PCDH15: variants seen among roughly 807,000 people sequenced by gnomAD.
PCDH15 encodes the protein protocadherin related 15.
A neutral mutation model predicts 178.5 loss-of-function variants in PCDH15; 129 were observed. The ratio of observed to expected loss-of-function variants is 0.72; its 90% CI spans 0.63 to 0.84. The LOEUF is 0.84. PCDH15 is among the 40% of genes least tolerant of loss of function. The probability of loss-of-function intolerance (pLI) is 0.00; values close to 1 mark genes in which losing one functional copy is unlikely to be tolerated. For synonymous variants in PCDH15, 800 were observed against 732.0 expected (o/e 1.09, Z -1.50); for missense variants, 2,230 against 2,099.9 (o/e 1.06, Z -1.21).
chr10:54,779,401 T>C (rs1474476651), intron 1 of PCDH15, among the ~76,000 whole-genome samples: 2 of 76,664 alleles, frequency 2.6e-5, no homozygotes, highest in African/African-American at 8.1e-5. Flanking sequence ...TCTCTATATA[T>C]ATATGTATAT....
intron 1 of PCDH15, among the ~76,000 whole-genome samples, chr10:54,772,170 G>T (rs1386022879): frequency 6.6e-6 from 1 of 152,000 alleles, no homozygotes; most frequent in East Asian, 1.9e-4. Flanking sequence ...TATTTTTATA[G>T]CTATATAATA....
intron 1 of PCDH15, among the ~76,000 whole-genome samples, chr10:55,303,060 T>TTATATCTTATATATATCTTATA (rs1564986784): frequency 5.3e-5 from 8 of 150,250 alleles, no homozygotes; most frequent in Admixed American, 4.7e-4. Flanking sequence ...AATAAGGTTA[T>TTATATCTTATATATATCTTATA]AAGATAAGAA....
At chr10:55,173,330 TG>T in intron 1 of PCDH15, among the ~76,000 whole-genome samples, 1 of 150,588 alleles carries the variant, frequency 6.6e-6, no homozygotes, top group African/African-American at 2.5e-5. Flanking sequence ...TGTGTGTGTG[TG>T]TGTGTGTGTG....
chr10:54,728,333 A>G (rs1942865278), intron 1 of PCDH15, among the ~76,000 whole-genome samples: 1 of 151,562 alleles, frequency 6.6e-6, no homozygotes, highest in African/African-American at 2.4e-5. Context: ...ACTATAAACC[A>G]AACCACGTGA....
chr10:55,459,241 A>AAAAAAAAAAAAAG (rs10647110), intron 2 of PCDH15, among the ~76,000 whole-genome samples: 10 of 134,238 alleles, frequency 7.4e-5, no homozygotes, highest in African/African-American at 1.4e-4. Context: ...GCAAAAAAAA[A>AAAAAAAAAAAAAG]AAAGAAGGAA....
chr10:55,523,940 T>C (rs994302435), intron 2 of PCDH15, among the ~76,000 whole-genome samples: 1 of 151,620 alleles, frequency 6.6e-6, no homozygotes, highest in Non-Finnish European at 1.5e-5. Flanking sequence ...CTTTTCACTA[T>C]ACCCTGAACC....
intron 2 of PCDH15, among the ~76,000 whole-genome samples, chr10:54,971,912 T>TA (rs1838942837): frequency 1.3e-5 from 2 of 152,226 alleles, no homozygotes. Flanking sequence ...ACACTTTCTA[T>TA]ATCTACATTT....
At chr10:55,283,304 A>G (rs113690939) in intron 1 of PCDH15, among the ~76,000 whole-genome samples, 3 of 152,034 alleles carry the variant, frequency 2.0e-5, no homozygotes, top group Non-Finnish European at 1.5e-5. Context: ...CTATGATTTC[A>G]TCTTGGACCC....
At chr10:55,078,783 ACCC>A (rs952440786) in intron 2 of PCDH15, among the ~76,000 whole-genome samples, 5 of 150,140 alleles carry the variant, frequency 3.3e-5, no homozygotes, top group Non-Finnish European at 5.9e-5. Context: ...CCCTTCCCAA[ACCC>A]CCCGTGGATC....
intron 2 of PCDH15, among the ~76,000 whole-genome samples, chr10:55,101,393 TA>T (rs58895122): frequency 0.099 from 12,853 of 129,490 alleles, 1,735 homozygotes; most frequent in African/African-American, 0.33. Context: ...CATCTCAAAA[TA>T]AAAAAAAAAA....
chr10:55,116,482 G>A (rs1029285326), intron 2 of PCDH15, among the ~76,000 whole-genome samples: 4 of 151,978 alleles, frequency 2.6e-5, no homozygotes, highest in African/African-American at 9.7e-5. Context: ...GGTATGCCAC[G>A]AAGATTCATT....
In PCDH15 at chr10:54,749,834, G is replaced by A. The variant is rs559222645; in HGVS notation, c.-29+51091C>T. On this transcript the variant is annotated intron_variant, in intron 1 of 37. Coordinates refer to ENST00000644397, the MANE Select transcript of PCDH15 (RefSeq NM_001384140.1). ...TTTGCTTTTGTTTTCTTGAGCAATT[G>A]TTGACTACTCAGCCTGCTCTGTAAA... Among the ~76,000 whole-genome samples the A allele has an allele frequency of 2.0e-5, 3 of 152,164 alleles. No individual in the cohort carries two copies. The South Asian group carries it at 6.2e-4, about 32-fold the overall frequency.
chr10:55,070,794 T>G (rs1841718693), intron 2 of PCDH15, among the ~76,000 whole-genome samples: 1 of 150,342 alleles, frequency 6.7e-6, no homozygotes, highest in East Asian at 1.9e-4. Flanking sequence ...TTTAAAGTAG[T>G]TTTTTCCAAT....
chr10:53,941,157 A>G lies in PCDH15; in HGVS notation c.3123-182T>C, dbSNP rs76050914. Reference sequence around the variant, plus strand: ...CTGCTACCTTTGTGATAAATGATGAACCTACATTGACCCATTATCACTGAA... The same window carrying G: ...CTGCTACCTTTGTGATAAATGATGAGCCTACATTGACCCATTATCACTGAA... On this transcript the variant is annotated intron_variant, in intron 23 of 37. Coordinates refer to ENST00000644397, the MANE Select transcript of PCDH15 (RefSeq NM_001384140.1). Among the ~76,000 whole-genome samples, 2,083 of 152,240 alleles carry G rather than the reference A, an allele frequency of 0.014. 56 individuals carry two copies. Among genetic ancestry groups the G allele is most frequent in the African/African-American group, 0.049 (2,019 of 41,540 alleles).
In PCDH15 at chr10:54,905,791, A is replaced by C. The variant is rs1954709162; in HGVS notation, c.-79-8291T>G. Among the ~76,000 whole-genome samples, 5 of 152,238 alleles carry C rather than the reference A, an allele frequency of 3.3e-5. No individual in the cohort carries two copies. In the South Asian group the frequency reaches 1.0e-3, roughly 32 times the overall value. Reference sequence around the variant, plus strand: ...GAGTCATGCAGAACTCTTCTGTCAAAACAGAACAGTTGCAGATGTGTCATG... The same window carrying C: ...GAGTCATGCAGAACTCTTCTGTCAACACAGAACAGTTGCAGATGTGTCATG... On this transcript the variant is annotated intron_variant, in intron 2 of 5. Coordinates refer to the PCDH15 transcript ENST00000458638.
chr10:54,458,539 C>A (rs908888295), intron 3 of PCDH15, among the ~76,000 whole-genome samples: 6 of 151,980 alleles, frequency 3.9e-5, no homozygotes, highest in Non-Finnish European at 7.4e-5. Context: ...TCAGATTACT[C>A]AAGTGTCATC....
chr10:54,229,848 G>A (rs541693612), intron 9 of PCDH15, among the ~76,000 whole-genome samples: 35 of 152,202 alleles, frequency 2.3e-4, no homozygotes, highest in Non-Finnish European at 4.3e-4. Flanking sequence ...CTTGCCTAAA[G>A]TTATTTATGT....
At chr10:53,900,202 C>G (rs548750154) in intron 26 of PCDH15, among the ~76,000 whole-genome samples, 1 of 139,656 alleles carries the variant, frequency 7.2e-6, no homozygotes, top group Admixed American at 7.9e-5. Flanking sequence ...CTCTCTCTCT[C>G]TAAACTTTCT....
intron 15 of PCDH15, among the ~76,000 whole-genome samples, chr10:54,121,874 C>G (rs1369662188): frequency 1.3e-5 from 2 of 152,052 alleles, no homozygotes; most frequent in African/African-American, 4.8e-5. Context: ...CAGCTGAGTT[C>G]TACCAGAGGT....
Sources: gnomAD v4.1 joint callset for allele counts (sites outside exome capture counted in the v4.1 genomes callset) on GRCh38, gnomAD v4.1.1 for gene constraint, MANE v1.5 for transcripts, NCBI Gene and HGNC (gene_info 2026-07-23, HGNC 2026-07-21) for gene names.